Variants in MMS19 observed in about 807,000 individuals in gnomAD.
MMS19 encodes MMS19 cytosolic iron-sulfur assembly component.
In MMS19, 77 loss-of-function variants were observed where a neutral mutation model predicts 129.8. The observed-to-expected ratio is 0.59, with a 90% CI of 0.49 to 0.72. MMS19 has a LOEUF of 0.72. Ranked by LOEUF, MMS19 falls within the 30% of genes least tolerant of loss-of-function variation. The probability of loss-of-function intolerance (pLI) is 0.00; values close to 1 mark genes in which losing one functional copy is unlikely to be tolerated. For synonymous variants in MMS19, 491 were observed against 502.8 expected, an observed-to-expected ratio of 0.98 and a Z score of 0.31; for missense variants, 1,168 against 1,266.3, an observed-to-expected ratio of 0.92 and a Z score of 1.18.
rs147252151 is a variant in MMS19 at position 97,482,285 on chromosome 10, C to G, written c.162-1243G>C. 2.3e-3 allele frequency among the ~76,000 whole-genome samples: 344 copies of G among 152,268 alleles called. 3 individuals carry two copies. The highest frequency in any genetic ancestry group is 7.5e-3 in the African/African-American group (312 of 41,536). On this transcript the variant is annotated intron_variant, in intron 2 of 30. Coordinates refer to ENST00000438925, the MANE Select transcript of MMS19 (RefSeq NM_022362.5). Reference sequence around the variant, plus strand: ...GGAATAGCCAAAAAGTGGAAACAATCCAGATGTCCGTCCACTGATAAATGA... The same window carrying G: ...GGAATAGCCAAAAAGTGGAAACAATGCAGATGTCCGTCCACTGATAAATGA...
chr10:97,486,002 A>G (rs1252070670), intron 1 of MMS19, among the ~76,000 whole-genome samples: 1 of 152,262 alleles, frequency 6.6e-6, no homozygotes, highest in Non-Finnish European at 1.5e-5. Flanking sequence ...TGAAATCAGT[A>G]TCTGTAGAGA....
rs1392828892 is a variant in MMS19 at position 97,498,312 on chromosome 10, C to T, written c.73G>A (p.Val25Met). 1 of 1,572,788 alleles carries T rather than the reference C, an allele frequency of 6.4e-7. No individual in the cohort carries two copies. The highest frequency in any genetic ancestry group is 8.6e-7 in the Non-Finnish European group (1 of 1,166,404). ...ALWGLVHDFV[V>M]GQQEGPADQV... The stretch of plus-strand genomic sequence containing the variant: ...TCAGCGGGGCCCTCTTGCTGACCCA[C>T]GACGAAGTCGTGCACGAGGCCCCAT... The change falls in exon 1 of 31, where the codon GTG (valine) becomes ATG (methionine). Residue 25 changes from valine to methionine, a missense_variant. Physicochemically the swap from Val to Met is conservative, Grantham distance 21 (BLOSUM62 1). This residue lies in a region of MMS19 where 329 missense variants were observed against 328.6 expected (regional missense o/e 1.00). Transcript: ENST00000438925.
At chr10:97,461,750 C>T in intron 22 of MMS19, 78 bp downstream of exon 22, 3 of 1,552,266 alleles carry the variant, frequency 1.9e-6, no homozygotes, top group Non-Finnish European at 2.6e-6. Flanking sequence ...AAAAGATCAG[C>T]TTAGCCTGTG....
chr10:97,479,192 G>A (rs887374310), intron 3 of MMS19, among the ~76,000 whole-genome samples: 49 of 152,116 alleles, frequency 3.2e-4, no homozygotes, highest in African/African-American at 1.1e-3. Context: ...CACTTCATGT[G>A]TGTCGGTGTC....
upstream of MMS19, chr10:97,498,538 G>T: frequency 9.4e-7 from 1 of 1,067,996 alleles, no homozygotes; most frequent in Non-Finnish European, 1.3e-6. Context: ...GTTCCAGGGA[G>T]GGGCGGGGCC....
At position 97,484,154 on chromosome 10, in the gene MMS19, G is replaced by T; in HGVS notation, c.113-3C>A. 1 of 1,498,086 alleles carries T rather than the reference G, an allele frequency of 6.7e-7. No individual in the cohort carries two copies. The highest frequency in any genetic ancestry group is 9.0e-7 in the Non-Finnish European group (1 of 1,111,964). The allele number at this position is 1,498,086 out of a possible 1,614,324, so 92.8% of individuals were successfully genotyped here. ...TGTATAGTTGCCAGATTTCACATCT[G>T]CAGGAAATAAAATAAATAAATATGA... is the stretch of plus-strand genomic sequence containing the variant. On this transcript the variant is annotated splice_region_variant and splice_polypyrimidine_tract_variant and intron_variant, in intron 1 of 30. Transcript: ENST00000438925.
rs1476138841 is a variant in MMS19 at position 97,498,389 on chromosome 10, C to T, written c.-5G>A. The T allele has an allele frequency of 5.7e-6, 9 of 1,580,362 alleles. No homozygotes were observed. Among genetic ancestry groups the T allele is most frequent in the East Asian group, 2.3e-5 (1 of 43,532 alleles). On this transcript the variant is annotated 5_prime_UTR_variant, in exon 1 of 31. Transcript: ENST00000438925. ...CACAGCCGCGGCAGCGGCCATAACGCGAACTAGAGACCGTGGGAGGGGATA... is the reference window on the plus strand; with the variant it reads ...CACAGCCGCGGCAGCGGCCATAACGTGAACTAGAGACCGTGGGAGGGGATA...
In MMS19 at chr10:97,478,341, A is replaced by G; in HGVS notation, c.311T>C (p.Leu104Pro). 1.9e-6 allele frequency: 3 copies of G among 1,605,336 alleles called. No homozygotes were observed. Among genetic ancestry groups the G allele is most frequent in the Non-Finnish European group, 2.6e-6 (3 of 1,175,920 alleles). ...ACCCTGCAGGACAGATGGGATCACAAGATGATGGTCCTTCAGCCGGTTCTC... is the reference window on the plus strand; with the variant it reads ...ACCCTGCAGGACAGATGGGATCACAGGATGATGGTCCTTCAGCCGGTTCTC... The part of the protein sequence containing the change: ...FYENRLKDHH[L>P]VIPSVLQGLK... The change falls in exon 4 of 31, where the codon CTT becomes CCT. Residue 104 changes from leucine (L) to proline (P), a missense_variant. Transcript: ENST00000438925.
rs1339603740 is a variant in MMS19, at chr10:97,498,409, G to A, written c.-25C>T. On this transcript the variant is annotated 5_prime_UTR_variant, in exon 1 of 31. Coordinates refer to ENST00000438925, the MANE Select transcript of MMS19 (RefSeq NM_022362.5). ...TAACGCGAACTAGAGACCGTGGGAGGGGATATGGGCGGTGGCTCGAGACGG... is the reference window on the plus strand; with the variant it reads ...TAACGCGAACTAGAGACCGTGGGAGAGGATATGGGCGGTGGCTCGAGACGG... 2.5e-6 allele frequency: 4 copies of A among 1,576,132 alleles called. No homozygotes were observed. Among genetic ancestry groups the A allele is most frequent in the African/African-American group, 1.3e-5 (1 of 74,248 alleles).
intron 1 of MMS19, among the ~76,000 whole-genome samples, chr10:97,495,667 A>G (rs1273998212): frequency 6.6e-6 from 1 of 152,244 alleles, no homozygotes; most frequent in Non-Finnish European, 1.5e-5. Context: ...AACAACTCTT[A>G]GTACAGATAA....
chr10:97,489,241 T>A (rs962179799), intron 1 of MMS19, among the ~76,000 whole-genome samples: 1 of 152,244 alleles, frequency 6.6e-6, no homozygotes, highest in Non-Finnish European at 1.5e-5. Context: ...ACAGTGTATA[T>A]AATATGTGCG....
rs774883901 is a variant in MMS19 at position 97,463,927 on chromosome 10, T to C, written c.1843A>G (p.Ser615Gly). 4.3e-6 allele frequency: 7 copies of C among 1,612,884 alleles called. No individual in the cohort carries two copies. Among genetic ancestry groups the C allele is most frequent in the Non-Finnish European group, 8.5e-7 (1 of 1,179,392 alleles). Residue 615 changes from serine (S) to glycine (G), a missense_variant, in exon 19 of 31, where the codon AGT (serine) becomes GGT (glycine). Ser to Gly is a moderately conservative substitution (Grantham distance 56). Around this residue, in one of 3 missense-constraint regions of MMS19, gnomAD observed 831 missense variants for 910.8 expected, o/e 0.91. Transcript: ENST00000438925. ...MAEKCQQDPE[S>G]CWYFHQTAIP... ...GCTGTCTGGTGGAAATACCAGCAAC[T>C]CTCAGGGTCCTGCTGACATTTTTCT... is the stretch of plus-strand genomic sequence containing the variant.
chr10:97,466,363 A>T lies in MMS19; in HGVS notation c.1505+141T>A, dbSNP rs2033487046. The stretch of plus-strand genomic sequence containing the variant: ...TCCTACATCTCTCCAACTGGTTAGC[A>T]GCCAGAGTCTAACACAGAGCTCACC... On this transcript the variant is annotated intron_variant, in intron 16 of 30. Transcript: ENST00000438925. 8.9e-6 allele frequency: 7 copies of T among 785,428 alleles called. No individual in the cohort carries two copies. The South Asian group carries it at 1.1e-4, about 12-fold the overall frequency. 48.7% of individuals were successfully genotyped at this position (785,428 alleles called of 1,614,324 possible).
In MMS19 at chr10:97,463,950, T is replaced by C. The variant is rs1466700914; in HGVS notation, c.1820A>G (p.Glu607Gly). Residue 607 changes from glutamate to glycine, a missense_variant, in exon 19 of 31, where the codon GAA becomes GGA. Glu to Gly is a moderately conservative substitution (Grantham distance 98). Around this residue, in one of 3 missense-constraint regions of MMS19, gnomAD observed 831 missense variants for 910.8 expected, o/e 0.91. Transcript: ENST00000438925. ...ACTCTCAGGGTCCTGCTGACATTTTTCTGCCATCTGTCTGAGGCTCTGACA... is the reference window on the plus strand; with the variant it reads ...ACTCTCAGGGTCCTGCTGACATTTTCCTGCCATCTGTCTGAGGCTCTGACA... ...AVCQSLRQMAEKCQQDPESCW... is the reference protein window; with the variant it reads ...AVCQSLRQMAGKCQQDPESCW... 7 of 1,613,108 alleles carry C rather than the reference T, an allele frequency of 4.3e-6. No individual in the cohort carries two copies. The African/African-American group carries it at 9.3e-5, about 22-fold the overall frequency.
At chr10:97,488,469 A>T (rs1589781824) in intron 1 of MMS19, among the ~76,000 whole-genome samples, 1 of 152,218 alleles carries the variant, frequency 6.6e-6, no homozygotes, top group Non-Finnish European at 1.5e-5. Context: ...TGGTATATAC[A>T]TGAGAGACTG....
chr10:97,477,256 T>C (rs2035934475), intron 6 of MMS19, 91 bp downstream of exon 6: 1 of 1,602,310 alleles, frequency 6.2e-7, no homozygotes, highest in East Asian at 2.2e-5. Context: ...CCAGCTCTTC[T>C]ATATAACCCC....
intron 19 of MMS19, among the ~76,000 whole-genome samples, chr10:97,463,317 G>A (rs2032575116): frequency 6.6e-6 from 1 of 152,114 alleles, no homozygotes; most frequent in Non-Finnish European, 1.5e-5. Flanking sequence ...GACTATAGGT[G>A]TGCACCACTA....
rs28987109 is a variant in MMS19 at position 97,487,923 on chromosome 10, C to T, written c.113-3772G>A. Among the ~76,000 whole-genome samples, 168 of 148,970 alleles carry T rather than the reference C, an allele frequency of 1.1e-3. 1 individual carries two copies. The highest frequency in any genetic ancestry group is 3.9e-3 in the African/African-American group (159 of 40,820). On this transcript the variant is annotated intron_variant, in intron 1 of 30. Coordinates refer to ENST00000438925, the MANE Select transcript of MMS19 (RefSeq NM_022362.5). ...CTTGAGGCCAGGAGTTTGAGACCAG[C>T]CTAGCCAACATGGCAAAACATGTGT...
At chr10:97,494,620 A>G (rs1217652128) in intron 1 of MMS19, among the ~76,000 whole-genome samples, 1 of 152,240 alleles carries the variant, frequency 6.6e-6, no homozygotes, top group African/African-American at 2.4e-5. Flanking sequence ...ACAATACAAT[A>G]AAGACTGAAA....
Sources: allele counts gnomAD v4.1 joint callset (sites outside exome capture counted in the v4.1 genomes callset), GRCh38; gene constraint gnomAD v4.1.1; regional missense constraint gnomAD v4.1.1; transcripts MANE v1.5; gene names NCBI Gene and HGNC (gene_info 2026-07-23, HGNC 2026-07-21).